Variants in C14orf93 observed in about 807,000 individuals in gnomAD.
The protein encoded by C14orf93 is chromosome 14 open reading frame 93.
A neutral mutation model predicts 44.0 loss-of-function variants in C14orf93; 23 were observed. That is an observed-to-expected ratio of 0.52 (90% CI 0.38 to 0.74). The LOEUF (loss-of-function observed/expected upper bound fraction) is 0.74, where lower values mean the gene tolerates loss of function less well. Ranked by LOEUF, C14orf93 falls within the 30% of genes least tolerant of loss-of-function variation. The pLI is 0.00. For synonymous variants in C14orf93, 253 were observed against 265.7 expected, an observed-to-expected ratio of 0.95 and a Z score of 0.46; for missense variants, 579 against 678.9, an observed-to-expected ratio of 0.85 and a Z score of 1.64.
chr14:22,989,141 C>G (rs1269556659), intron 5 of C14orf93, among the ~76,000 whole-genome samples: 1 of 152,060 alleles, frequency 6.6e-6, no homozygotes, highest in South Asian at 2.1e-4. Flanking sequence ...GCCACCCCAC[C>G]CAGTTAATTT....
intron 3 of C14orf93, among the ~76,000 whole-genome samples, chr14:22,991,032 A>C (rs796795936): frequency 1.3e-5 from 2 of 149,976 alleles, no homozygotes; most frequent in African/African-American, 4.9e-5. Context: ...GTTAGCCAGG[A>C]TGGTCACAAT....
chr14:22,994,068 C>G (rs547411460), intron 3 of C14orf93: 1 of 152,384 alleles, frequency 6.6e-6, no homozygotes, highest in African/African-American at 2.4e-5. Context: ...TTCCACCACA[C>G]TCTCCTAAGG....
At chr14:23,008,353 G>A (rs1167085089) in intron 1 of C14orf93, among the ~76,000 whole-genome samples, 1 of 152,136 alleles carries the variant, frequency 6.6e-6, no homozygotes, top group Non-Finnish European at 1.5e-5. Flanking sequence ...AACCCAGAAA[G>A]CCCAAACAGG....
intron 1 of C14orf93, among the ~76,000 whole-genome samples, chr14:23,003,612 CCT>C (rs1264324514): frequency 1.3e-5 from 2 of 151,714 alleles, no homozygotes; most frequent in African/African-American, 4.8e-5. Flanking sequence ...ATGGTGAAAC[CCT>C]GTCTCTACTA....
At chr14:22,994,963 C>T (rs970656235) in intron 3 of C14orf93, among the ~76,000 whole-genome samples, 7 of 152,184 alleles carry the variant, frequency 4.6e-5, no homozygotes, top group Admixed American at 6.5e-5. Flanking sequence ...TCACAAACGT[C>T]TCCAGATGTT....
chr14:22,988,806 C>A (rs186421546), intron 5 of C14orf93, among the ~76,000 whole-genome samples: 1 of 152,140 alleles, frequency 6.6e-6, no homozygotes, highest in African/African-American at 2.4e-5. Flanking sequence ...CCTTCTTGGG[C>A]GTGGTGGCTC....
At position 22,999,322 on chromosome 14, in the gene C14orf93, T is replaced by G; in HGVS notation, c.-299A>C. ...GAACGGTTTCAGACGGTAGAGAGCA[T>G]TCCTTCTGCCCCCCAGCATGGAACC... On this transcript the variant is annotated 5_prime_UTR_variant, in exon 2 of 7. The change abolishes an upstream ATG in the 5' untranslated region. Coordinates refer to ENST00000299088, the MANE Select transcript of C14orf93 (RefSeq NM_021944.4). The G allele has an allele frequency of 3.9e-6, 1 of 259,294 alleles. No homozygotes were observed. Among genetic ancestry groups the G allele is most frequent in the Non-Finnish European group, 7.3e-6 (1 of 136,232 alleles). The allele number at this position is 259,294 out of a possible 1,614,324, so 16.1% of individuals were successfully genotyped here.
At chr14:23,003,874 ATATATATATATATATATATATATATTTTT>A (rs1300488921) in intron 1 of C14orf93, among the ~76,000 whole-genome samples, 3 of 12,112 alleles carry the variant, frequency 2.5e-4, no homozygotes, top group African/African-American at 7.3e-4. Context: ...ATATATATAT[ATATATATATATATATATATATATATTTTT>A]TTTTTTTTTT....
In C14orf93 at chr14:22,998,816, C is replaced by G; in HGVS notation, c.208G>C (p.Asp70His). The change falls in exon 2 of 7, where the codon GAT becomes CAT. Residue 70 changes from aspartate (D) to histidine (H), a missense_variant. Transcript: ENST00000299088. The stretch of plus-strand genomic sequence containing the variant: ...GCTTCAGCCAAACCCACTGCCTTAT[C>G]GACCCGCTGGTAGATAACATGCAGG... ...QLLHVIYQRV[D>H]KAVGLAEAAL... 1 of 1,614,162 alleles carries G rather than the reference C, an allele frequency of 6.2e-7. No individual in the cohort carries two copies. The highest frequency in any genetic ancestry group is 8.5e-7 in the Non-Finnish European group (1 of 1,180,040).
At chr14:23,008,078 A>G (rs1234623170) in intron 1 of C14orf93, among the ~76,000 whole-genome samples, 2 of 148,192 alleles carry the variant, frequency 1.3e-5, no homozygotes, top group South Asian at 2.2e-4. Context: ...GCTTGAACCC[A>G]GGAGGCGAAG....
At position 23,001,330 on chromosome 14, in the gene C14orf93, C is replaced by T. The variant is rs79501757; in HGVS notation, c.-379-1928G>A. On this transcript the variant is annotated intron_variant, in intron 1 of 6. Transcript: ENST00000299088. ...AAATCAGTAATTAAGATGCATCCGG[C>T]TGGGACACTGGCTGAGTTGTCTAAC... Among the ~76,000 whole-genome samples, 368 of 152,336 alleles carry T rather than the reference C, an allele frequency of 2.4e-3. 1 individual carries two copies. Among genetic ancestry groups the T allele is most frequent in the African/African-American group, 8.4e-3 (350 of 41,572 alleles).
At chr14:23,005,009 GTTCAAAATA>G (rs1290646585) in intron 1 of C14orf93, 3 of 152,154 alleles carry the variant, frequency 2.0e-5, no homozygotes, top group African/African-American at 7.2e-5. Flanking sequence ...TGAGGCGTTA[GTTCAAAATA>G]ATGGAAACAT....
Position 22,999,205 on chromosome 14 carries a change from G to A in C14orf93, c.-182C>T, listed in dbSNP as rs2046171581. On this transcript the variant is annotated 5_prime_UTR_variant, in exon 2 of 7. Transcript: ENST00000299088. ...CATGAAGAAGCACACAGTCCATGGC[G>A]GCCTCTCCTCGGCCTGCAGAAGGGA... 6 of 941,740 alleles carry A rather than the reference G, an allele frequency of 6.4e-6. No individual in the cohort carries two copies. The highest frequency in any genetic ancestry group is 1.9e-5 in the South Asian group (1 of 51,426). The allele number at this position is 941,740 out of a possible 1,614,324, so 58.3% of individuals were successfully genotyped here. A position where few individuals can be genotyped will look rare whatever the true frequency, so the allele number is the denominator to read the frequency against.
intron 1 of C14orf93, among the ~76,000 whole-genome samples, chr14:23,007,337 C>G (rs541455292): frequency 7.9e-5 from 12 of 152,356 alleles, no homozygotes; most frequent in African/African-American, 2.9e-4. Context: ...TCAAGGCCGT[C>G]AGACGCCATC....
rs753363567 is a variant in C14orf93 at position 22,998,651 on chromosome 14, C to A, written c.373G>T (p.Gly125Trp). The change falls in exon 2 of 7, where the codon GGG becomes TGG. Residue 125 changes from glycine (G) to tryptophan (W), a missense_variant. Coordinates refer to ENST00000299088, the MANE Select transcript of C14orf93 (RefSeq NM_021944.4). ...RAHSSPPEEP[G>W]PLKESPGEAF... ...TCCCCGGGACTTTCCTTGAGAGGCC[C>A]AGGCTCCTCAGGTGGGGAACTATGT... 10 of 1,614,004 alleles carry A rather than the reference C, an allele frequency of 6.2e-6. No individual in the cohort carries two copies. The East Asian group carries it at 2.2e-4, about 36-fold the overall frequency.
At position 22,990,474 on chromosome 14, in the gene C14orf93, C is replaced by CT. The variant is rs34351363; in HGVS notation, c.919-348dup. ...GAACATTTCTTTTTTACTTTTCTTTCTTTTTTTTTTTTTGAGATGGAGTCT... is the reference window on the plus strand; with the variant it reads ...GAACATTTCTTTTTTACTTTTCTTTCTTTTTTTTTTTTTTGAGATGGAGTCT... On this transcript the variant is annotated intron_variant, in intron 3 of 6. Transcript: ENST00000299088. Among the ~76,000 whole-genome samples, 1,435 of 146,242 alleles carry CT rather than the reference C, an allele frequency of 9.8e-3. 16 individuals are homozygous for CT. Among genetic ancestry groups the CT allele is most frequent in the African/African-American group, 0.032 (1,281 of 39,976 alleles).
chr14:23,004,833 A>T (rs1452915170), intron 1 of C14orf93, among the ~76,000 whole-genome samples: 2 of 152,020 alleles, frequency 1.3e-5, no homozygotes, highest in Non-Finnish European at 2.9e-5. Flanking sequence ...CAGGAGAATC[A>T]CTTGAACCCG....
chr14:23,002,816 T>G (rs900218065), intron 1 of C14orf93: 1 of 152,042 alleles, frequency 6.6e-6, no homozygotes, highest in Non-Finnish European at 1.5e-5. Flanking sequence ...GCCTCCTGAG[T>G]AGCTGGGATC....
intron 5 of C14orf93, 139 bp from the exon 6 acceptor site, chr14:22,988,154 ATGTAGT>A: frequency 1.8e-6 from 1 of 565,166 alleles, no homozygotes; most frequent in South Asian, 2.2e-5. Context: ...TTTTTTTGAG[ATGTAGT>A]TTCACTCTTG....
Sources: gnomAD v4.1 joint callset for allele counts (sites outside exome capture counted in the v4.1 genomes callset) on GRCh38, gnomAD v4.1.1 for gene constraint, MANE v1.5 for transcripts, NCBI Gene and HGNC (gene_info 2026-07-23, HGNC 2026-07-21) for gene names.